Variants in RNFT2 observed in about 807,000 individuals in gnomAD.
RNFT2 encodes the protein ring finger protein, transmembrane 2.
RNFT2 carries 36 observed loss-of-function variants against 53.0 expected under a neutral mutation model. The ratio of observed to expected loss-of-function variants is 0.68; its 90% CI spans 0.52 to 0.90. RNFT2 has a LOEUF of 0.90. Among genes scored for constraint, RNFT2 ranks in the 40% least tolerant of loss-of-function variants. RNFT2 has a pLI of 0.00. For missense variants in RNFT2, 514 were observed against 585.6 expected, an observed-to-expected ratio of 0.88 and a Z score of 1.26; for synonymous variants, 260 against 253.2, an observed-to-expected ratio of 1.03 and a Z score of -0.26.
intron 7 of RNFT2, among the ~76,000 whole-genome samples, chr12:116,820,976 TC>T (rs1172232142): frequency 6.6e-6 from 1 of 152,054 alleles, no homozygotes; most frequent in Admixed American, 6.6e-5. Context: ...TGTTCTTCCC[TC>T]CCCTGCCTCT....
At chr12:116,775,690 T>G (rs1001976177) in intron 6 of RNFT2, among the ~76,000 whole-genome samples, 1 of 152,242 alleles carries the variant, frequency 6.6e-6, no homozygotes, top group Non-Finnish European at 1.5e-5. Context: ...ATTAAAGTAC[T>G]GGGTAAACAA....
chr12:116,835,384 A>G (rs1433218695), intron 8 of RNFT2, among the ~76,000 whole-genome samples: 2 of 152,210 alleles, frequency 1.3e-5, no homozygotes, highest in Admixed American at 6.5e-5. Context: ...ATTAGTATGT[A>G]GTGCTTTTCT....
Position 116,751,075 on chromosome 12 carries a change from C to T in RNFT2, c.550+768C>T, listed in dbSNP as rs189172523. On this transcript the variant is annotated intron_variant, in intron 4 of 10. Transcript: ENST00000257575. ...GACTACAGGCGTGTGCCACCACACC[C>T]GGCTAAATTTTAAATTTTTTCATAG... 2.7e-3 allele frequency among the ~76,000 whole-genome samples: 411 copies of T among 149,918 alleles called. 3 individuals carry two copies. Among genetic ancestry groups the T allele is most frequent in the African/African-American group, 8.2e-3 (334 of 40,624 alleles).
intron 5 of RNFT2, among the ~76,000 whole-genome samples, chr12:116,757,689 C>G (rs1872563177): frequency 6.6e-6 from 1 of 152,048 alleles, no homozygotes; most frequent in Non-Finnish European, 1.5e-5. Flanking sequence ...TGAGAGAGTA[C>G]TTGATATAAT....
At chr12:116,744,225 CAAA>C (rs5801197) in intron 3 of RNFT2, among the ~76,000 whole-genome samples, 1 of 100,020 alleles carries the variant, frequency 1.0e-5, no homozygotes. Flanking sequence ...GACTCCTCCT[CAAA>C]AAAAAAAAAA....
chr12:116,758,293 A>G (rs10161190), intron 5 of RNFT2, among the ~76,000 whole-genome samples: 1 of 152,282 alleles, frequency 6.6e-6, no homozygotes, highest in Admixed American at 6.5e-5. Context: ...GTGTCTTTTA[A>G]GTGGAGCATT....
At chr12:116,835,881 AG>A in intron 8 of RNFT2, 78 bp from the exon 9 acceptor site, 1 of 1,483,720 alleles carries the variant, frequency 6.7e-7, no homozygotes, top group Non-Finnish European at 9.4e-7. Context: ...GGAGGGTCAG[AG>A]GATGGGGTGG....
Position 116,779,270 on chromosome 12 carries a change from T to C in RNFT2, c.804T>C (p.Phe268=), listed in dbSNP as rs747455083. ...TATGGATTGTGGGGATCGCAGACTT[T>C]GTTCTGAAGTACATCACCATCGCCC... The part of the protein sequence containing the change: ...DLLWIVGIAD[F]VLKYITIALK... Residue 268 remains phenylalanine (F), a synonymous_variant, in exon 7 of 11, where the codon TTT becomes TTC. Coordinates refer to ENST00000257575, the MANE Select transcript of RNFT2 (RefSeq NM_001382266.1). 41 of 1,613,880 alleles carry C rather than the reference T, an allele frequency of 2.5e-5. No individual in the cohort carries two copies. The South Asian group carries it at 3.6e-4, about 14-fold the overall frequency.
intron 2 of RNFT2, 154 bp from the exon 3 acceptor site, chr12:116,740,882 G>T: frequency 1.5e-6 from 1 of 678,480 alleles, no homozygotes. Flanking sequence ...GGATGGAATG[G>T]CATGAAAGAT....
chr12:116,786,733 T>C (rs113300201), intron 7 of RNFT2, among the ~76,000 whole-genome samples: 5 of 152,322 alleles, frequency 3.3e-5, no homozygotes, highest in African/African-American at 1.2e-4. Context: ...AACAGAAATT[T>C]GTTCTCTCAC....
chr12:116,742,637 C>T (rs1036712416), intron 3 of RNFT2, among the ~76,000 whole-genome samples: 3 of 151,918 alleles, frequency 2.0e-5, no homozygotes, highest in South Asian at 2.1e-4. Context: ...ATATTGGCTG[C>T]GTGTGTAAAA....
chr12:116,813,512 G>T (rs1345057046), intron 7 of RNFT2, among the ~76,000 whole-genome samples: 1 of 152,166 alleles, frequency 6.6e-6, no homozygotes, highest in Non-Finnish European at 1.5e-5. Context: ...TAAACTTGTG[G>T]TTGGGTGACT....
Position 116,833,923 on chromosome 12 carries a change from T to C in RNFT2, c.1014T>C (p.Val338=). The change falls in exon 8 of 11, where the codon GTT becomes GTC. Residue 338 remains valine (V), a synonymous_variant. Coordinates refer to ENST00000257575, the MANE Select transcript of RNFT2 (RefSeq NM_001382266.1). ...NSYFLGGVLI[V]LYSLCKSFDI... is the part of the protein sequence containing the mutation. ...ACTTCCTGGGCGGGGTCCTGATCGT[T>C]CTCTACAGCCTCTGCAAGGTGAGGT... 1.9e-6 allele frequency: 3 copies of C among 1,610,374 alleles called. No homozygotes were observed. Among genetic ancestry groups the C allele is most frequent in the Non-Finnish European group, 1.7e-6 (2 of 1,178,448 alleles).
chr12:116,749,892 C>A lies in RNFT2; in HGVS notation c.135C>A (p.Val45=). The part of the protein sequence containing the change: ...SSEASVDEGG[V]FESLKAEAAS... ...AGGCGAGTGTGGATGAAGGTGGCGT[C>A]TTTGAGAGTCTGAAGGCAGAGGCAG... is the stretch of plus-strand genomic sequence containing the variant. Residue 45 remains valine, a synonymous_variant, in exon 4 of 11, where the codon GTC becomes GTA. Transcript: ENST00000257575. The A allele has an allele frequency of 6.3e-7, 1 of 1,589,536 alleles. No individual in the cohort carries two copies. Among genetic ancestry groups the A allele is most frequent in the Non-Finnish European group, 8.6e-7 (1 of 1,167,884 alleles).
At position 116,851,777 on chromosome 12, in the gene RNFT2, A is replaced by C; in HGVS notation, c.*2329A>C. ...AAAGAAAGAAAGAAGGGAGGGAGGG[A>C]GGAAGGAAGGAAGGAAGGAAAGAAA... is the stretch of plus-strand genomic sequence containing the variant. On this transcript the variant is annotated 3_prime_UTR_variant, in exon 11 of 11. Coordinates refer to ENST00000257575, the MANE Select transcript of RNFT2 (RefSeq NM_001382266.1). 5.3e-6 allele frequency: 4 copies of C among 754,646 alleles called. No individual in the cohort carries two copies. The South Asian group carries it at 6.0e-5, about 11-fold the overall frequency. 46.7% of individuals were successfully genotyped at this position (754,646 alleles called of 1,614,324 possible). A position where few individuals can be genotyped will look rare whatever the true frequency, so the allele number is the denominator to read the frequency against.
intron 6 of RNFT2, among the ~76,000 whole-genome samples, chr12:116,776,447 G>C (rs1873432528): frequency 1.3e-5 from 2 of 152,200 alleles, no homozygotes; most frequent in African/African-American, 4.8e-5. Flanking sequence ...CAGAGCTAAA[G>C]ACGGGAGCTC....
At chr12:116,784,878 G>A (rs528783346) in intron 7 of RNFT2, among the ~76,000 whole-genome samples, 64 of 152,102 alleles carry the variant, frequency 4.2e-4, no homozygotes, top group African/African-American at 1.5e-3. Context: ...TCTTTTCCCT[G>A]CCAGCGGAGC....
chr12:116,824,965 A>G (rs78239829), intron 7 of RNFT2, among the ~76,000 whole-genome samples: 1,895 of 152,166 alleles, frequency 0.012, 30 homozygotes, highest in African/African-American at 0.043. Flanking sequence ...AAACCATTTA[A>G]TTCTCACAAT....
chr12:116,799,096 G>C (rs955711338), intron 7 of RNFT2, among the ~76,000 whole-genome samples: 13 of 152,186 alleles, frequency 8.5e-5, no homozygotes, highest in Non-Finnish European at 5.9e-5. Context: ...CTACTTCCAG[G>C]CTCATTAAGG....
Sources: allele counts gnomAD v4.1 joint callset (sites outside exome capture counted in the v4.1 genomes callset), GRCh38; gene constraint gnomAD v4.1.1; transcripts MANE v1.5; gene names NCBI Gene and HGNC (gene_info 2026-07-23, HGNC 2026-07-21).